Variants in RAB9B observed in about 807,000 individuals in gnomAD.
RAB9B encodes RAB9B, member RAS oncogene family.
Under a neutral mutation model 8.9 loss-of-function variants are expected in RAB9B, and 1 was observed. The ratio of observed to expected loss-of-function variants is 0.11; its 90% CI spans 0.04 to 0.53. The LOEUF (loss-of-function observed/expected upper bound fraction) is 0.53. Among genes scored for constraint, RAB9B ranks in the 20% least tolerant of loss-of-function variants. RAB9B has a pLI of 0.93. For missense variants in RAB9B, 82 were observed against 152.9 expected, an observed-to-expected ratio of 0.54 and a Z score of 2.45; for synonymous variants, 63 against 57.0, an observed-to-expected ratio of 1.10 and a Z score of -0.47.
chrX:103,781,381 A>T, the RAB9B span: 20 of 295,490 alleles, frequency 6.8e-5, no homozygotes, highest in Middle Eastern at 4.6e-4. Flanking sequence ...TTAAAGTTGG[A>T]GTATCAACTA....
chrX:103,808,225 C>A, the RAB9B span, among the ~76,000 whole-genome samples: 3 of 111,946 alleles, frequency 2.7e-5, no homozygotes, highest in African/African-American at 9.7e-5. Context: ...GATATGTAAC[C>A]TTGAAAAACC....
At chrX:103,809,313 C>A in the RAB9B span, among the ~76,000 whole-genome samples, 1 of 111,841 alleles carries the variant, frequency 8.9e-6, no homozygotes, top group South Asian at 3.8e-4. Flanking sequence ...TTCTTTCTTT[C>A]TTTTTTTATG....
At chrX:103,793,678 T>G in the RAB9B span, among the ~76,000 whole-genome samples, 1 of 5,597 alleles carries the variant, frequency 1.8e-4, no homozygotes, top group Non-Finnish European at 3.0e-4. Flanking sequence ...CATCTGCCCT[T>G]ATTTGGCTCT....
At chrX:103,780,130 G>A in the RAB9B span, 1 of 112,978 alleles carries the variant, frequency 8.9e-6, no homozygotes, top group African/African-American at 3.2e-5. Flanking sequence ...CTATCTCTCA[G>A]CTCTGCACTG....
chrX:103,821,262 C>G (rs1211584057), downstream of RAB9B, among the ~76,000 whole-genome samples: 1 of 109,355 alleles, frequency 9.1e-6, no homozygotes, highest in African/African-American at 3.3e-5. Context: ...TCATTATAGA[C>G]TAGTCAAAAT....
At chrX:103,828,269 C>A (rs2074691199) in intron 1 of RAB9B, among the ~76,000 whole-genome samples, 1 of 111,245 alleles carries the variant, frequency 9.0e-6, no homozygotes, top group Non-Finnish European at 1.9e-5. Context: ...ATAATATCTC[C>A]TAAATGGATA....
chrX:103,828,707 C>T (rs765122009), intron 1 of RAB9B, among the ~76,000 whole-genome samples: 1 of 112,021 alleles, frequency 8.9e-6, no homozygotes, highest in African/African-American at 3.2e-5. Flanking sequence ...TGCTCAGCTC[C>T]AGGAATAATG....
At chrX:103,791,103 A>G in the RAB9B span, 1 of 119,417 alleles carries the variant, frequency 8.4e-6, no homozygotes, top group Non-Finnish European at 1.7e-5. Context: ...AGAAAAAAGA[A>G]TGTCAGAAAA....
At chrX:103,790,819 G>A in the RAB9B span, 2 of 427,329 alleles carry the variant, frequency 4.7e-6, no homozygotes, top group Non-Finnish European at 8.2e-6. Context: ...GCTGGTTCCT[G>A]CTAGAAATGG....
At chrX:103,828,162 A>C (rs2074690731) in intron 1 of RAB9B, among the ~76,000 whole-genome samples, 1 of 112,083 alleles carries the variant, frequency 8.9e-6, no homozygotes, top group Non-Finnish European at 1.9e-5. Flanking sequence ...CTTTAAAAAA[A>C]AATCTGCTGC....
the RAB9B span, among the ~76,000 whole-genome samples, chrX:103,797,471 A>T: frequency 8.9e-6 from 1 of 112,018 alleles, no homozygotes; most frequent in Non-Finnish European, 1.9e-5. Context: ...GAGCAAAGCT[A>T]GGGTTATACT....
chrX:103,820,328 A>C (rs2074654555), downstream of RAB9B, among the ~76,000 whole-genome samples: 2 of 111,989 alleles, frequency 1.8e-5, no homozygotes, highest in Admixed American at 9.5e-5. Flanking sequence ...AAAAAAGTGA[A>C]ATGATTATCT....
chrX:103,780,186 G>A, the RAB9B span: 1 of 112,665 alleles, frequency 8.9e-6, no homozygotes, highest in African/African-American at 3.2e-5. Flanking sequence ...AGAGTCCCAA[G>A]GAAGAGAATA....
chrX:103,786,281 C>A, the RAB9B span: 1 of 1,086,205 alleles, frequency 9.2e-7, no homozygotes, highest in East Asian at 3.1e-5. Flanking sequence ...CACATACACC[C>A]TGTCTTCACT....
At position 103,825,152 on chromosome X, in the gene RAB9B, G is replaced by A. The variant is rs200974641; in HGVS notation, c.*27C>T. ...TTACACTACTGACTGATCAATTTGG[G>A]GCACATTTTTAAAAGGCTCCCTATC... On this transcript the variant is annotated 3_prime_UTR_variant, in exon 3 of 3. Transcript: ENST00000243298. The A allele has an allele frequency of 8.4e-7, 1 of 1,184,943 alleles. No individual in the cohort carries two copies. Among genetic ancestry groups the A allele is most frequent in the African/African-American group, 1.8e-5 (1 of 56,325 alleles).
rs1339282431 is a variant in RAB9B, at chrX:103,823,483, C to T, written c.*1696G>A. On this transcript the variant is annotated 3_prime_UTR_variant, in exon 3 of 3. Coordinates refer to ENST00000243298, the MANE Select transcript of RAB9B (RefSeq NM_016370.4). ...ACATGTAAGTAAGGCTGATTCCATA[C>T]GTGGCTACAATGGAGAGTTCTAGGC... The T allele has an allele frequency of 8.9e-6, 1 of 111,936 alleles. No homozygotes were observed. The highest frequency in any genetic ancestry group is 1.9e-5 in the Non-Finnish European group (1 of 53,220). The allele number at this position is 111,936 out of a possible 1,213,427, so 9.2% of individuals were successfully genotyped here. A position where few individuals can be genotyped will look rare whatever the true frequency, so the allele number is the denominator to read the frequency against.
chrX:103,789,822 T>A, the RAB9B span, among the ~76,000 whole-genome samples: 29 of 111,570 alleles, frequency 2.6e-4, no homozygotes, highest in African/African-American at 8.8e-4. Context: ...CTTTGGATAC[T>A]CTCCAGTGGA....
the RAB9B span, chrX:103,788,696 C>A: frequency 2.1e-6 from 1 of 473,844 alleles, no homozygotes. Flanking sequence ...CACCTGTTTT[C>A]TCTAGAGTTG....
downstream of RAB9B, among the ~76,000 whole-genome samples, chrX:103,821,019 T>G (rs1379494485): frequency 1.0e-5 from 1 of 98,120 alleles, no homozygotes; most frequent in African/African-American, 3.8e-5. Context: ...CACACAAAGT[T>G]AGCTGGGCAT....
Sources: allele counts gnomAD v4.1 joint callset (sites outside exome capture counted in the v4.1 genomes callset), GRCh38; gene constraint gnomAD v4.1.1; transcripts MANE v1.5; gene names NCBI Gene and HGNC (gene_info 2026-07-23, HGNC 2026-07-21).